Variants in CDH3 observed in about 807,000 individuals in gnomAD.
CDH3 encodes cadherin-3.
In CDH3, 54 loss-of-function variants were observed where a neutral mutation model predicts 82.0. The ratio of observed to expected loss-of-function variants is 0.66; its 90% confidence interval spans 0.53 to 0.83. The LOEUF (loss-of-function observed/expected upper bound fraction) is 0.83. Ranked by LOEUF, CDH3 falls within the 40% of genes least tolerant of loss-of-function variation. The pLI is 0.00. For missense variants in CDH3, 1,054 were observed against 1,084.6 expected, an observed-to-expected ratio of 0.97 and a Z score of 0.40; for synonymous variants, 446 against 437.9, an observed-to-expected ratio of 1.02 and a Z score of -0.23.
At chr16:68,668,020 T>C (rs937567704) in intron 2 of CDH3, among the ~76,000 whole-genome samples, 1 of 152,232 alleles carries the variant, frequency 6.6e-6, no homozygotes, top group African/African-American at 2.4e-5. Flanking sequence ...AATGTACATT[T>C]AGGCTCAGTG....
chr16:68,702,791 G>A (rs1328319239), downstream of CDH3, among the ~76,000 whole-genome samples: 1 of 151,978 alleles, frequency 6.6e-6, no homozygotes, highest in East Asian at 1.9e-4. Context: ...CTTGAGCCCA[G>A]GAAGCAGAGG....
downstream of CDH3, among the ~76,000 whole-genome samples, chr16:68,703,041 C>T (rs370046649): frequency 3.8e-4 from 58 of 152,322 alleles, no homozygotes; most frequent in African/African-American, 1.3e-3. Flanking sequence ...CAAAAGATGG[C>T]ACTCCCTATG....
At chr16:68,688,419 C>G (rs1309840101) in intron 12 of CDH3, among the ~76,000 whole-genome samples, 1 of 151,968 alleles carries the variant, frequency 6.6e-6, no homozygotes, top group Admixed American at 6.5e-5. Context: ...GAAACCCCGT[C>G]TCTACTAAAA....
At chr16:68,690,915 T>G (rs1179646317) in intron 12 of CDH3, among the ~76,000 whole-genome samples, 1 of 151,992 alleles carries the variant, frequency 6.6e-6, no homozygotes, top group Non-Finnish European at 1.5e-5. Context: ...TCAAAAAAAT[T>G]GAATGCTCAG....
At chr16:68,701,729 TAAA>T (rs568958866), downstream of CDH3, among the ~76,000 whole-genome samples, 365 of 151,862 alleles carry the variant, frequency 2.4e-3, no homozygotes, top group Middle Eastern at 6.8e-3. Flanking sequence ...GTATTTTAGT[TAAA>T]AAATATTTTT....
chr16:68,730,095 TG>T (rs993630739), downstream of CDH3, among the ~76,000 whole-genome samples: 10 of 151,768 alleles, frequency 6.6e-5, no homozygotes, highest in African/African-American at 2.2e-4. Context: ...TAGCTGGGCT[TG>T]GTGGTATGCG....
intron 15 of CDH3, 85 bp downstream of exon 15, chr16:68,696,008 C>A (rs1436968191): frequency 6.8e-7 from 1 of 1,463,338 alleles, no homozygotes; most frequent in African/African-American, 1.4e-5. Flanking sequence ...GGCCTGGAGT[C>A]TTGGGTCTGG....
intron 2 of CDH3, chr16:68,646,153 GC>G: frequency 4.1e-6 from 1 of 245,768 alleles, no homozygotes; most frequent in Non-Finnish European, 8.0e-6. Context: ...CCCCTCTCGG[GC>G]CCCCTTTGTG....
downstream of CDH3, among the ~76,000 whole-genome samples, chr16:68,731,077 T>TATATATATAA (rs1323551115): frequency 8.8e-6 from 1 of 113,114 alleles, no homozygotes; most frequent in Non-Finnish European, 1.8e-5. Context: ...TATATATATA[T>TATATATATAA]AATTATAAAA....
At chr16:68,696,142 T>C (rs1961715828) in intron 15 of CDH3, 2 of 599,748 alleles carry the variant, frequency 3.3e-6, no homozygotes, top group Non-Finnish European at 6.1e-6. Flanking sequence ...TAGGAGGGGC[T>C]GGGCACGGTG....
At chr16:68,681,168 G>T in intron 8 of CDH3, 72 bp downstream of exon 8, 1 of 1,555,852 alleles carries the variant, frequency 6.4e-7, no homozygotes, top group Non-Finnish European at 8.9e-7. Context: ...CAGGAAACTG[G>T]AACCAGTCTA....
chr16:68,675,349 G>C (rs1272003525), intron 2 of CDH3, among the ~76,000 whole-genome samples: 3 of 152,182 alleles, frequency 2.0e-5, no homozygotes, highest in Non-Finnish European at 4.4e-5. Flanking sequence ...GGCAGAGCAT[G>C]GTGCTGACAG....
At chr16:68,648,249 A>C (rs1301489861) in intron 2 of CDH3, among the ~76,000 whole-genome samples, 1 of 152,182 alleles carries the variant, frequency 6.6e-6, no homozygotes, top group East Asian at 1.9e-4. Context: ...TGACAGACAC[A>C]ACTTTTACCT....
At position 68,678,120 on chromosome 16, in the gene CDH3, T is replaced by G; in HGVS notation, c.247-14T>G. 6.2e-7 allele frequency: 1 copy of G among 1,612,022 alleles called. No homozygotes were observed. ...TATTTGCACATCTGGGTTAAGGAGT[T>G]TCTCTCCTTGCAGGAAAGAAGGTCA... On this transcript the variant is annotated splice_polypyrimidine_tract_variant and intron_variant, in intron 3 of 15. Coordinates refer to ENST00000264012, the MANE Select transcript of CDH3 (RefSeq NM_001793.6).
chr16:68,672,149 C>T (rs939054037), intron 2 of CDH3, among the ~76,000 whole-genome samples: 1 of 148,026 alleles, frequency 6.8e-6, no homozygotes, highest in Admixed American at 6.8e-5. Flanking sequence ...GCCGAGATTG[C>T]GCCACTGCAC....
chr16:68,678,179 TCCAAACGTATCTTA>T lies in CDH3; in HGVS notation c.294_307del (p.Arg100ThrfsTer14). On this transcript the variant is annotated frameshift_variant, in exon 4 of 16. Coordinates refer to ENST00000264012, the MANE Select transcript of CDH3 (RefSeq NM_001793.6). LOFTEE classifies it high-confidence loss of function. ...AAGGAATCCATTGAAGATCTTCCCA[TCCAAACGTATCTTA>T]CGAAGACACAAGAGAGATTGGGTGG... The T allele has an allele frequency of 6.2e-7, 1 of 1,613,894 alleles. No individual in the cohort carries two copies. Among genetic ancestry groups the T allele is most frequent in the Non-Finnish European group, 8.5e-7 (1 of 1,179,782 alleles).
intron 1 of CDH3, among the ~76,000 whole-genome samples, chr16:68,721,691 A>C (rs1248820507): frequency 1.3e-5 from 2 of 152,130 alleles, no homozygotes; most frequent in African/African-American, 4.8e-5. Context: ...CCAGGTGGTG[A>C]CTTCTGCCAG....
At chr16:68,676,834 T>G (rs3118228) in intron 3 of CDH3, among the ~76,000 whole-genome samples, 33,513 of 152,166 alleles carry the variant, frequency 0.22, 3,931 homozygotes, top group Admixed American at 0.28. Flanking sequence ...GCCAATCCCA[T>G]GAGCCTCCAG....
At chr16:68,730,397 A>G (rs527605273), downstream of CDH3, among the ~76,000 whole-genome samples, 19 of 150,200 alleles carry the variant, frequency 1.3e-4, no homozygotes, top group Admixed American at 1.1e-3. Context: ...TTGGTGGTAC[A>G]TGCCTGTAAT....
Sources: gnomAD v4.1 joint callset for allele counts (sites outside exome capture counted in the v4.1 genomes callset) on GRCh38, gnomAD v4.1.1 for gene constraint, MANE v1.5 for transcripts, NCBI Gene and HGNC (gene_info 2026-07-23, HGNC 2026-07-21) for gene names.